The following ZNF618 variants were observed in gnomAD, a reference collection of about 807,000 sequenced individuals.
ZNF618 encodes zinc finger protein 618.
Under a neutral mutation model 103.0 loss-of-function variants are expected in ZNF618, and 34 were observed. That is an observed-to-expected ratio of 0.33 (90% confidence interval 0.25 to 0.44). ZNF618 has a LOEUF of 0.44. Ranked by LOEUF, ZNF618 falls within the 20% of genes least tolerant of loss-of-function variation. The pLI, the probability that ZNF618 is intolerant of heterozygous loss-of-function variation, is 1.00. For synonymous variants in ZNF618, 551 were observed against 542.2 expected (o/e 1.02, Z -0.23); for missense variants, 1,059 against 1,295.4 (o/e 0.82, Z 2.80).
At chr9:114,027,289 G>T (rs375006291) in intron 10 of ZNF618, among the ~76,000 whole-genome samples, 3 of 152,170 alleles carry the variant, frequency 2.0e-5, no homozygotes, top group African/African-American at 4.8e-5. Context: ...GGCAGCTCAG[G>T]TCACAAGGGA....
chr9:113,980,673 A>G (rs1043371016), intron 2 of ZNF618, among the ~76,000 whole-genome samples: 5 of 152,230 alleles, frequency 3.3e-5, no homozygotes, highest in African/African-American at 1.2e-4. Context: ...GGGGCATATC[A>G]AGTTGTAAGA....
intron 4 of ZNF618, among the ~76,000 whole-genome samples, chr9:114,000,943 G>T (rs1464757942): frequency 1.3e-5 from 2 of 152,196 alleles, no homozygotes; most frequent in African/African-American, 4.8e-5. Context: ...GAATAGGCAG[G>T]TCTCCACCCC....
At chr9:113,884,605 C>T (rs1828872427) in intron 1 of ZNF618, among the ~76,000 whole-genome samples, 1 of 152,110 alleles carries the variant, frequency 6.6e-6, no homozygotes. Flanking sequence ...TAGTCCTTTC[C>T]ATTGAGTATG....
Position 114,052,470 on chromosome 9 carries a change from C to T in ZNF618, c.*2303C>T, listed in dbSNP as rs1846197226. ...AACAGGGAGAAATCCAGACAGGAAC[C>T]TCATGTCACTTCCTAGGGAATATGG... On this transcript the variant is annotated 3_prime_UTR_variant, in exon 15 of 15. Transcript: ENST00000374126. The T allele has an allele frequency of 6.6e-6, 1 of 152,532 alleles. No homozygotes were observed. Among genetic ancestry groups the T allele is most frequent in the Admixed American group, 6.5e-5 (1 of 15,286 alleles). The allele number at this position is 152,532 out of a possible 1,614,324, so 9.4% of individuals were successfully genotyped here. A position where few individuals can be genotyped will look rare whatever the true frequency, so the allele number is the denominator to read the frequency against.
chr9:113,933,058 G>C (rs1022989623), intron 1 of ZNF618, among the ~76,000 whole-genome samples: 3 of 152,150 alleles, frequency 2.0e-5, no homozygotes, highest in Non-Finnish European at 2.9e-5. Flanking sequence ...TCAAAGCCAG[G>C]AAGAAAGGAG....
At chr9:113,988,194 A>G (rs991323610) in intron 2 of ZNF618, 127 bp from the exon 3 acceptor site, 1 of 1,293,622 alleles carries the variant, frequency 7.7e-7, no homozygotes, top group African/African-American at 1.5e-5. Flanking sequence ...GTGGGAGGCT[A>G]AGGGGGCCGG....
intron 11 of ZNF618, among the ~76,000 whole-genome samples, chr9:114,029,904 T>C (rs923369916): frequency 6.6e-6 from 1 of 152,240 alleles, no homozygotes; most frequent in Non-Finnish European, 1.5e-5. Flanking sequence ...CACTGTGTGC[T>C]GAGGACCAGC....
intron 10 of ZNF618, 42 bp downstream of exon 10, chr9:114,016,826 G>C (rs538139517): frequency 7.9e-6 from 12 of 1,520,438 alleles, no homozygotes; most frequent in Non-Finnish European, 9.9e-6. Context: ...TGGGGGACCC[G>C]GGACAGGGTG....
intron 1 of ZNF618, among the ~76,000 whole-genome samples, chr9:113,910,965 G>A (rs1435780611): frequency 6.6e-6 from 1 of 152,002 alleles, no homozygotes; most frequent in Non-Finnish European, 1.5e-5. Flanking sequence ...TGAGTAGCTG[G>A]GATTACAGGT....
At chr9:113,983,160 A>C (rs1399937764) in intron 2 of ZNF618, among the ~76,000 whole-genome samples, 1 of 152,214 alleles carries the variant, frequency 6.6e-6, no homozygotes. Flanking sequence ...TCGTGCTGAG[A>C]ATATCCAAGG....
rs534857541 is a variant in ZNF618, at chr9:114,021,194, C to A, written c.844+4410C>A. Among the ~76,000 whole-genome samples the A allele has an allele frequency of 2.6e-5, 4 of 152,134 alleles. No individual in the cohort carries two copies. The East Asian group carries it at 5.8e-4, about 22-fold the overall frequency. On this transcript the variant is annotated intron_variant, in intron 10 of 14. Coordinates refer to ENST00000374126, the MANE Select transcript of ZNF618 (RefSeq NM_001318042.2). ...AAGTTACAACCTGGGGATGATTATT[C>A]TTTGCCAGATAAAATGACTTCCTTC... is the stretch of plus-strand genomic sequence containing the variant.
intron 2 of ZNF618, among the ~76,000 whole-genome samples, chr9:113,983,340 G>A (rs1004529342): frequency 2.6e-5 from 4 of 152,192 alleles, no homozygotes; most frequent in Non-Finnish European, 4.4e-5. Context: ...TAAATGCAAA[G>A]CATTTGAGAA....
At chr9:113,890,434 T>G (rs1453457530) in intron 1 of ZNF618, among the ~76,000 whole-genome samples, 3 of 152,324 alleles carry the variant, frequency 2.0e-5, no homozygotes, top group South Asian at 2.1e-4. Flanking sequence ...TTTTTCATCA[T>G]CAGCAAATGT....
intron 13 of ZNF618, 69 bp from the exon 14 acceptor site, chr9:114,047,824 G>T: frequency 7.3e-7 from 1 of 1,378,774 alleles, no homozygotes; most frequent in South Asian, 1.3e-5. Context: ...CCACACTCTA[G>T]TTCTCATCTC....
chr9:114,037,836 T>C (rs1467443635), intron 13 of ZNF618, among the ~76,000 whole-genome samples: 2 of 152,216 alleles, frequency 1.3e-5, no homozygotes, highest in Non-Finnish European at 2.9e-5. Flanking sequence ...CTATTATTTA[T>C]TTCTAATGAA....
chr9:114,050,329 C>T lies in ZNF618; in HGVS notation c.*162C>T, dbSNP rs1161339658. The T allele has an allele frequency of 3.8e-5, 29 of 770,322 alleles. No individual in the cohort carries two copies. The highest frequency in any genetic ancestry group is 1.0e-4 in the South Asian group (5 of 49,680). 47.7% of individuals were successfully genotyped at this position (770,322 alleles called of 1,614,324 possible). On this transcript the variant is annotated 3_prime_UTR_variant, in exon 15 of 15. Transcript: ENST00000374126. ...TGCTTTTTTTATATGTGTGTGTGTG[C>T]GTGTATGTACACAGCCACACGTGTG...
At chr9:113,896,124 T>C (rs1256555006) in intron 1 of ZNF618, among the ~76,000 whole-genome samples, 1 of 152,036 alleles carries the variant, frequency 6.6e-6, no homozygotes, top group Non-Finnish European at 1.5e-5. Flanking sequence ...TTTCTATTGT[T>C]TTATTCTTTC....
At chr9:114,044,772 A>G (rs1431057586) in intron 13 of ZNF618, among the ~76,000 whole-genome samples, 3 of 151,736 alleles carry the variant, frequency 2.0e-5, no homozygotes, top group Non-Finnish European at 2.9e-5. Flanking sequence ...AATTAAGCAT[A>G]TTCCTAAGTT....
chr9:114,049,301 G>T lies in ZNF618; in HGVS notation c.1999G>T (p.Val667Leu). ...SMHEVIELLN[V>L]CEDLAGSTGL... is the part of the protein sequence containing the mutation. ...GCACGAGGTCATCGAGCTGCTCAAC[G>T]TGTGCGAGGACCTGGCGGGCTCCAC... is the stretch of plus-strand genomic sequence containing the variant. The change falls in exon 15 of 15, where the codon GTG becomes TTG. Residue 667 changes from valine (V) to leucine (L), a missense_variant. Physicochemically the swap from Val to Leu is conservative, Grantham distance 32. Around this residue, in one of 6 missense-constraint regions of ZNF618, gnomAD observed 272 missense variants for 380.1 expected, o/e 0.72. Coordinates refer to ENST00000374126, the MANE Select transcript of ZNF618 (RefSeq NM_001318042.2). The T allele has an allele frequency of 1.2e-6, 2 of 1,612,076 alleles. No individual in the cohort carries two copies. Among genetic ancestry groups the T allele is most frequent in the South Asian group, 2.2e-5 (2 of 91,056 alleles).
Sources: gnomAD v4.1 joint callset for allele counts (sites outside exome capture counted in the v4.1 genomes callset) on GRCh38, gnomAD v4.1.1 for gene constraint, gnomAD v4.1.1 regional missense constraint, MANE v1.5 for transcripts, NCBI Gene and HGNC (gene_info 2026-07-23, HGNC 2026-07-21) for gene names.